Variants in TNN observed in about 807,000 individuals in gnomAD.
TNN encodes the protein tenascin-N.
TNN carries 122 observed loss-of-function variants against 134.4 expected under a neutral mutation model. The ratio of observed to expected loss-of-function variants is 0.91; its 90% CI spans 0.78 to 1.06. The LOEUF (loss-of-function observed/expected upper bound fraction) is 1.06. Among genes scored for constraint, TNN ranks in the 50% least tolerant of loss-of-function variants. TNN has a pLI of 0.00. For synonymous variants in TNN, 710 were observed against 670.3 expected (o/e 1.06, Z -0.91); for missense variants, 1,739 against 1,699.4 (o/e 1.02, Z -0.41).
In TNN at chr1:175,147,072, T is replaced by G. The variant is rs148513066; in HGVS notation, c.*1T>G. Reference sequence around the variant, plus strand: ...GAGAGGAAGGCTGCGAACGTTCTGATGGCCCGTGTGAGCAGTCCTCGCAGG... The same window carrying G: ...GAGAGGAAGGCTGCGAACGTTCTGAGGGCCCGTGTGAGCAGTCCTCGCAGG... On this transcript the variant is annotated 3_prime_UTR_variant, in exon 19 of 19. Coordinates refer to ENST00000239462, the MANE Select transcript of TNN (RefSeq NM_022093.2). The G allele has an allele frequency of 3.8e-6, 6 of 1,573,300 alleles. No homozygotes were observed. In the African/African-American group the frequency reaches 5.5e-5, roughly 14 times the overall value.
chr1:175,109,862 T>C (rs555010766), intron 9 of TNN, among the ~76,000 whole-genome samples: 3 of 152,182 alleles, frequency 2.0e-5, no homozygotes, highest in African/African-American at 7.2e-5. Flanking sequence ...TTTTTTTGGA[T>C]GTATACTCAG....
chr1:175,070,798 T>G (rs1395316553), intron 1 of TNN, among the ~76,000 whole-genome samples: 1 of 152,164 alleles, frequency 6.6e-6, no homozygotes, highest in East Asian at 1.9e-4. Context: ...AAGCCTCTAG[T>G]TCAAGGTGAG....
chr1:175,095,437 A>G lies in TNN; in HGVS notation c.1588+1184A>G, dbSNP rs1289053180. Among the ~76,000 whole-genome samples the G allele has an allele frequency of 4.6e-5, 7 of 152,228 alleles. No individual in the cohort carries two copies. The East Asian group carries it at 1.3e-3, about 29-fold the overall frequency. ...TGTTCCGATAAGACTTTATTGATAA[A>G]GATTGACAGTGGATCAGATTTGGCC... On this transcript the variant is annotated intron_variant, in intron 7 of 18. Transcript: ENST00000239462.
In TNN at chr1:175,147,453, A is replaced by G. The variant is rs995495356; in HGVS notation, c.*382A>G. On this transcript the variant is annotated 3_prime_UTR_variant, in exon 19 of 19. Coordinates refer to ENST00000239462, the MANE Select transcript of TNN (RefSeq NM_022093.2). ...CTGCTAATGCAAATCTTTTCTCTGG[A>G]AAGAAGCACAGAGGAGGAGTTCTGA... 2 of 160,672 alleles carry G rather than the reference A, an allele frequency of 1.2e-5. No homozygotes were observed. Among genetic ancestry groups the G allele is most frequent in the Non-Finnish European group, 2.7e-5 (2 of 74,034 alleles). The allele number at this position is 160,672 out of a possible 1,614,324, so 10.0% of individuals were successfully genotyped here.
At position 175,098,518 on chromosome 1, in the gene TNN, G is replaced by A. The variant is rs765947453; in HGVS notation, c.2042G>A (p.Gly681Asp). Reference protein sequence around the residue: ...SSTVLTGLRPGMEYMVHVWAQ... With the variant: ...SSTVLTGLRPDMEYMVHVWAQ... ...ACAGTCCTGACAGGCCTGAGACCGG[G>A]TATGGAGTACATGGTGCACGTGTGG... Residue 681 changes from glycine (G) to aspartate (D), a missense_variant, in exon 9 of 19, where the codon GGT (glycine) becomes GAT (aspartate). Coordinates refer to ENST00000239462, the MANE Select transcript of TNN (RefSeq NM_022093.2). 11 of 1,614,200 alleles carry A rather than the reference G, an allele frequency of 6.8e-6. 1 individual carries two copies. In the South Asian group the frequency reaches 1.2e-4, roughly 18 times the overall value.
chr1:175,111,733 G>T (rs1177646728), intron 9 of TNN, among the ~76,000 whole-genome samples: 4 of 151,282 alleles, frequency 2.6e-5, no homozygotes, highest in Non-Finnish European at 4.4e-5. Flanking sequence ...TTTATTTATG[G>T]GTGTGTTTTT....
At chr1:175,079,729 C>T (rs749299945) in intron 3 of TNN, 22 bp downstream of exon 3, 5 of 1,552,632 alleles carry the variant, frequency 3.2e-6, no homozygotes, top group Non-Finnish European at 4.4e-6. Context: ...GATGTGCCCT[C>T]GGGCCGCCGG....
rs759170212 is a variant in TNN, at chr1:175,123,408, G to C, written c.2659G>C (p.Gly887Arg). Residue 887 changes from glycine to arginine, a missense_variant, in exon 12 of 19, where the codon GGC (glycine) becomes CGC (arginine). Coordinates refer to ENST00000239462, the MANE Select transcript of TNN (RefSeq NM_022093.2). ...ADTKAQTEID[G>R]PKNLVTDWVT... is the part of the protein sequence containing the mutation. The stretch of plus-strand genomic sequence containing the variant: ...TAAATCTTTTTAAAAAGAAATTGAC[G>C]GCCCCAAAAACCTAGTGACTGACTG... 1 of 1,613,138 alleles carries C rather than the reference G, an allele frequency of 6.2e-7. No homozygotes were observed. Among genetic ancestry groups the C allele is most frequent in the East Asian group, 2.2e-5 (1 of 44,880 alleles).
rs531661386 is a variant in TNN at position 175,126,127 on chromosome 1, A to C, written c.2915-828A>C. 5.7e-5 allele frequency among the ~76,000 whole-genome samples: 8 copies of C among 139,338 alleles called. No homozygotes were observed. The East Asian group carries it at 1.6e-3, about 29-fold the overall frequency. 91.4% of individuals were successfully genotyped at this position (139,338 alleles called of 152,430 possible). On this transcript the variant is annotated intron_variant, in intron 12 of 18. Coordinates refer to ENST00000239462, the MANE Select transcript of TNN (RefSeq NM_022093.2). ...TTCTTTTTTTTTTTTTTTAAGACAG[A>C]GTCTTGCTCTGTCACCCAGGCTGGA...
intron 15 of TNN, among the ~76,000 whole-genome samples, chr1:175,134,329 G>A (rs1373216160): frequency 6.6e-6 from 1 of 152,110 alleles, no homozygotes; most frequent in East Asian, 1.9e-4. Context: ...GGTGGATCAC[G>A]AAGTCAGGAG....
chr1:175,073,058 C>A (rs1673957543), intron 1 of TNN, among the ~76,000 whole-genome samples: 1 of 151,202 alleles, frequency 6.6e-6, no homozygotes, highest in African/African-American at 2.4e-5. Context: ...GCTTTTTCAG[C>A]CCTATTTTTG....
rs372774916 is a variant in TNN, at chr1:175,144,408, A to G, written c.3617A>G (p.Asn1206Ser). The G allele has an allele frequency of 8.1e-6, 13 of 1,613,890 alleles. No homozygotes were observed. Among genetic ancestry groups the G allele is most frequent in the South Asian group, 3.3e-5 (3 of 91,058 alleles). Residue 1206 changes from asparagine (N) to serine (S), a missense_variant, in exon 18 of 19, where the codon AAT becomes AGT. Transcript: ENST00000239462. The stretch of plus-strand genomic sequence containing the variant: ...GCAGGGGATGCTCTTACTTACCACA[A>G]TGGATGGAAGTTTACAACTTTTGAC... ...GTAGDALTYH[N>S]GWKFTTFDRD... is the part of the protein sequence containing the mutation.
intron 17 of TNN, among the ~76,000 whole-genome samples, chr1:175,138,126 G>A (rs1050411176): frequency 1.3e-5 from 2 of 152,202 alleles, no homozygotes; most frequent in South Asian, 4.1e-4. Flanking sequence ...GACTTCTCAA[G>A]ATCATGTACT....
rs760414627 is a variant in TNN at position 175,080,249 on chromosome 1, T to C, written c.871T>C (p.Tyr291His). 1 of 1,614,086 alleles carries C rather than the reference T, an allele frequency of 6.2e-7. No individual in the cohort carries two copies. Among genetic ancestry groups the C allele is most frequent in the East Asian group, 2.2e-5 (1 of 44,860 alleles). Residue 291 changes from tyrosine (Y) to histidine (H), a missense_variant, in exon 4 of 19, where the codon TAC (tyrosine) becomes CAC (histidine). Tyr to His is a moderately conservative substitution (Grantham distance 83). Transcript: ENST00000239462. ...GGAGCCCTCCAGCCAGGTGGATCACTACCTCCTCAGCTACTACCCCCTGGG... is the reference window on the plus strand; with the variant it reads ...GGAGCCCTCCAGCCAGGTGGATCACCACCTCCTCAGCTACTACCCCCTGGG... Reference protein sequence around the residue: ...SWEPSSQVDHYLLSYYPLGKE... With the variant: ...SWEPSSQVDHHLLSYYPLGKE...
chr1:175,080,386 T>C lies in TNN; in HGVS notation c.1008T>C (p.Asn336=). The change falls in exon 4 of 19, where the codon AAT becomes AAC. Residue 336 remains asparagine, a synonymous_variant. Transcript: ENST00000239462. ...TAGTCACCCTGCGTAACGTCAAGAATGAAGTTTCTAGCAGCCCACAGCATC... is the reference window on the plus strand; with the variant it reads ...TAGTCACCCTGCGTAACGTCAAGAACGAAGTTTCTAGCAGCCCACAGCATC... ...KYIVTLRNVK[N]EVSSSPQHLL... is the part of the protein sequence containing the mutation. 1 of 1,614,042 alleles carries C rather than the reference T, an allele frequency of 6.2e-7. No individual in the cohort carries two copies. Among genetic ancestry groups the C allele is most frequent in the Non-Finnish European group, 8.5e-7 (1 of 1,179,978 alleles).
At chr1:175,073,131 T>C (rs1282465725) in intron 1 of TNN, among the ~76,000 whole-genome samples, 1 of 151,954 alleles carries the variant, frequency 6.6e-6, no homozygotes, top group Admixed American at 6.6e-5. Flanking sequence ...GTAGGTGCTT[T>C]AGAGATCAAT....
intron 9 of TNN, among the ~76,000 whole-genome samples, chr1:175,103,187 A>T (rs1318568495): frequency 1.4e-5 from 2 of 146,686 alleles, no homozygotes; most frequent in Non-Finnish European, 3.0e-5. Context: ...CACAGGACCT[A>T]GAAAGGGGAG....
At chr1:175,077,905 T>C (rs968200945) in intron 2 of TNN, 78 bp downstream of exon 2, 1 of 1,433,348 alleles carries the variant, frequency 7.0e-7, no homozygotes, top group Admixed American at 2.1e-5. Flanking sequence ...ACTAGCCTCA[T>C]GAGCACTTTG....
chr1:175,098,580 A>C lies in TNN; in HGVS notation c.2104A>C (p.Thr702Pro). Residue 702 changes from threonine (T) to proline (P), a missense_variant, in exon 9 of 19, where the codon ACC becomes CCC. Coordinates refer to ENST00000239462, the MANE Select transcript of TNN (RefSeq NM_022093.2). ...GGACCAGGAGAGCAAGAAGGCCGAC[A>C]CCAAGGCCCAGACAGGTAAGGAGTG... is the stretch of plus-strand genomic sequence containing the variant. The part of the protein sequence containing the change: ...KGDQESKKAD[T>P]KAQTDIDSPQ... 6.2e-7 allele frequency: 1 copy of C among 1,614,120 alleles called. No individual in the cohort carries two copies. The highest frequency in any genetic ancestry group is 8.5e-7 in the Non-Finnish European group (1 of 1,179,972).
Sources: allele counts gnomAD v4.1 joint callset (sites outside exome capture counted in the v4.1 genomes callset), GRCh38; gene constraint gnomAD v4.1.1; transcripts MANE v1.5; gene names NCBI Gene and HGNC (gene_info 2026-07-23, HGNC 2026-07-21).